HS6ST3: variants seen among roughly 807,000 people sequenced by gnomAD.
The protein encoded by HS6ST3 is heparan-sulfate 6-O-sulfotransferase 3.
Under a neutral mutation model 36.7 loss-of-function variants are expected in HS6ST3, and 12 were observed. That is an observed-to-expected ratio of 0.33 (90% CI 0.21 to 0.53). HS6ST3 has a LOEUF of 0.53. HS6ST3 is among the 20% of genes least tolerant of loss of function. The pLI is 0.95. For synonymous variants in HS6ST3, 240 were observed against 257.5 expected, an observed-to-expected ratio of 0.93 and a Z score of 0.65; for missense variants, 584 against 640.9, an observed-to-expected ratio of 0.91 and a Z score of 0.96.
intron 1 of HS6ST3, among the ~76,000 whole-genome samples, chr13:96,818,888 T>A (rs919965368): frequency 1.3e-5 from 2 of 152,198 alleles, no homozygotes; most frequent in Non-Finnish European, 2.9e-5. Context: ...GAACTCCACA[T>A]CCATATTGAA....
In HS6ST3 at chr13:96,762,054, T is replaced by A. The variant is rs532357922; in HGVS notation, c.708-70436T>A. Among the ~76,000 whole-genome samples, 30 of 151,384 alleles carry A rather than the reference T, an allele frequency of 2.0e-4. No homozygotes were observed. The East Asian group carries it at 2.1e-3, about 11-fold the overall frequency. On this transcript the variant is annotated intron_variant, in intron 1 of 1. Coordinates refer to ENST00000376705, the MANE Select transcript of HS6ST3 (RefSeq NM_153456.4). ...CTACATTTAAGTTATTTTTATGTTT[T>A]TATATATATATATACACATATACGT... is the stretch of plus-strand genomic sequence containing the variant.
chr13:96,594,914 G>A (rs1421979755), intron 1 of HS6ST3, among the ~76,000 whole-genome samples: 3 of 152,146 alleles, frequency 2.0e-5, no homozygotes, highest in African/African-American at 7.2e-5. Context: ...TGGTACTGAT[G>A]AACTTCGCTA....
At chr13:96,790,090 C>CA (rs1209122139) in intron 1 of HS6ST3, among the ~76,000 whole-genome samples, 1 of 151,866 alleles carries the variant, frequency 6.6e-6, no homozygotes, top group East Asian at 1.9e-4. Context: ...GCACTGGTTG[C>CA]ATTTCTCAAT....
Position 96,101,256 on chromosome 13 carries a change from C to T in HS6ST3, c.707+9687C>T, listed in dbSNP as rs143023805. On this transcript the variant is annotated intron_variant, in intron 1 of 1. Coordinates refer to ENST00000376705, the MANE Select transcript of HS6ST3 (RefSeq NM_153456.4). ...TGGCTATAGTTTGCAAAAACATTTA[C>T]GAGATGAGACCCTTTCTGCCGCTTA... Among the ~76,000 whole-genome samples, 262 of 152,172 alleles carry T rather than the reference C, an allele frequency of 1.7e-3. 1 individual carries two copies. The highest frequency in any genetic ancestry group is 9.8e-3 in the East Asian group (51 of 5,178).
intron 1 of HS6ST3, among the ~76,000 whole-genome samples, chr13:96,424,295 G>T (rs927261676): frequency 2.6e-5 from 4 of 152,100 alleles, no homozygotes; most frequent in African/African-American, 9.7e-5. Flanking sequence ...ACCTGTAAAT[G>T]ATTTCAATGA....
At chr13:96,458,886 C>A (rs1262196859) in intron 1 of HS6ST3, among the ~76,000 whole-genome samples, 1 of 151,426 alleles carries the variant, frequency 6.6e-6, no homozygotes, top group Non-Finnish European at 1.5e-5. Flanking sequence ...TGTGGATCAC[C>A]TGAGGTCAGG....
chr13:96,365,552 G>A (rs2055259021), intron 1 of HS6ST3, among the ~76,000 whole-genome samples: 1 of 152,096 alleles, frequency 6.6e-6, no homozygotes, highest in Non-Finnish European at 1.5e-5. Flanking sequence ...ATAATAAGGA[G>A]TTTAAAATCA....
chr13:96,141,115 G>T (rs568608685), intron 1 of HS6ST3, among the ~76,000 whole-genome samples: 2 of 152,284 alleles, frequency 1.3e-5, no homozygotes, highest in African/African-American at 4.8e-5. Context: ...AGGGATTTAA[G>T]ACAGGAAAAG....
intron 1 of HS6ST3, among the ~76,000 whole-genome samples, chr13:96,650,877 A>G (rs2056604980): frequency 6.6e-6 from 1 of 152,088 alleles, no homozygotes; most frequent in Admixed American, 6.6e-5. Flanking sequence ...TGTCCATTAA[A>G]TTTCTACTCC....
intron 1 of HS6ST3, among the ~76,000 whole-genome samples, chr13:96,121,524 A>C (rs1240106328): frequency 6.6e-6 from 1 of 152,222 alleles, no homozygotes; most frequent in Non-Finnish European, 1.5e-5. Flanking sequence ...CAAACAATGG[A>C]GAAAACAAAT....
chr13:96,812,386 C>T (rs1175739058), intron 1 of HS6ST3, among the ~76,000 whole-genome samples: 1 of 152,058 alleles, frequency 6.6e-6, no homozygotes, highest in Non-Finnish European at 1.5e-5. Flanking sequence ...AAGTTAGCTT[C>T]TTCTAGAAAA....
chr13:96,141,692 C>G (rs2054032633), intron 1 of HS6ST3, among the ~76,000 whole-genome samples: 1 of 152,068 alleles, frequency 6.6e-6, no homozygotes, highest in Non-Finnish European at 1.5e-5. Context: ...TGCATGAGTT[C>G]AACACTGAAG....
chr13:96,482,646 C>T (rs937442743), intron 1 of HS6ST3, among the ~76,000 whole-genome samples: 1 of 152,062 alleles, frequency 6.6e-6, no homozygotes, highest in Admixed American at 6.6e-5. Context: ...AAATGACTTT[C>T]CATCAATTCC....
chr13:96,463,880 C>T (rs1399006265), intron 1 of HS6ST3, among the ~76,000 whole-genome samples: 1 of 151,852 alleles, frequency 6.6e-6, no homozygotes, highest in African/African-American at 2.4e-5. Context: ...ATACCTTTAC[C>T]ACCCAGTAAA....
intron 1 of HS6ST3, among the ~76,000 whole-genome samples, chr13:96,763,748 G>A (rs1441367537): frequency 6.6e-6 from 1 of 151,968 alleles, no homozygotes; most frequent in Non-Finnish European, 1.5e-5. Flanking sequence ...GATTAAATGA[G>A]TTAATTTGTG....
At chr13:96,470,456 C>A (rs1213251864) in intron 1 of HS6ST3, among the ~76,000 whole-genome samples, 1 of 152,078 alleles carries the variant, frequency 6.6e-6, no homozygotes, top group African/African-American at 2.4e-5. Flanking sequence ...TGTACTGTCC[C>A]TTCTGCTCAT....
chr13:96,220,771 A>G (rs2139362358), intron 1 of HS6ST3, among the ~76,000 whole-genome samples: 1 of 152,334 alleles, frequency 6.6e-6, no homozygotes, highest in African/African-American at 2.4e-5. Flanking sequence ...ATTTAATTCT[A>G]TAATTGTTGA....
intron 1 of HS6ST3, among the ~76,000 whole-genome samples, chr13:96,604,674 C>T (rs1353715992): frequency 2.0e-5 from 3 of 152,116 alleles, no homozygotes; most frequent in African/African-American, 4.8e-5. Context: ...AATTGTGATA[C>T]AATGCCATGA....
intron 1 of HS6ST3, among the ~76,000 whole-genome samples, chr13:96,120,973 A>G (rs765509091): frequency 6.6e-6 from 1 of 152,238 alleles, no homozygotes; most frequent in East Asian, 1.9e-4. Flanking sequence ...GAAGTGATGA[A>G]TAGCCATAGG....
Sources: allele counts gnomAD v4.1 joint callset (sites outside exome capture counted in the v4.1 genomes callset), GRCh38; gene constraint gnomAD v4.1.1; transcripts MANE v1.5; gene names NCBI Gene and HGNC (gene_info 2026-07-23, HGNC 2026-07-21).